SPHK2: variants seen among roughly 807,000 people sequenced by gnomAD.
The protein encoded by SPHK2 is sphingosine kinase 2.
In SPHK2, 18 loss-of-function variants were observed where a neutral mutation model predicts 32.3. That is an observed-to-expected ratio of 0.56 (90% CI 0.39 to 0.83). SPHK2 has a LOEUF of 0.83. SPHK2 is among the 40% of genes least tolerant of loss of function. SPHK2 has a pLI of 0.00. For missense variants in SPHK2, 850 were observed against 908.7 expected, an observed-to-expected ratio of 0.94 and a Z score of 0.83; for synonymous variants, 462 against 417.6, an observed-to-expected ratio of 1.11 and a Z score of -1.30.
chr19:48,621,381 T>A (rs997293256), intron 2 of SPHK2, among the ~76,000 whole-genome samples: 2 of 152,068 alleles, frequency 1.3e-5, no homozygotes, highest in Non-Finnish European at 2.9e-5. Context: ...ACCCGGCCAA[T>A]TTTTTTATTT....
chr19:48,627,646 G>C (rs1168215832), intron 3 of SPHK2, 46 bp from the exon 4 acceptor site: 1 of 1,521,670 alleles, frequency 6.6e-7, no homozygotes, highest in East Asian at 2.3e-5. Context: ...TCCAAGGTGG[G>C]GGGCCTGGGT....
chr19:48,620,672 C>A, intron 2 of SPHK2, 119 bp downstream of exon 2: 1 of 881,204 alleles, frequency 1.1e-6, no homozygotes, highest in Non-Finnish European at 1.7e-6. Context: ...GCTTGTAATC[C>A]CAGCACTCTG....
At position 48,625,587 on chromosome 19, in the gene SPHK2, A is replaced by G. The variant is rs530282472; in HGVS notation, c.40-304A>G. ...CCTATGAAGGCAAGGATTTGGGGCT[A>G]TTTTGTCTCCTGCTGTGTTTGCTAG... On this transcript the variant is annotated intron_variant, in intron 2 of 6. Coordinates refer to ENST00000245222, the MANE Select transcript of SPHK2 (RefSeq NM_020126.5). The G allele has an allele frequency of 5.1e-4, 728 of 1,419,328 alleles. 2 individuals are homozygous for G. The African/African-American group carries it at 9.0e-3, about 18-fold the overall frequency. The allele number at this position is 1,419,328 out of a possible 1,614,324, so 87.9% of individuals were successfully genotyped here.
intron 3 of SPHK2, 58 bp downstream of exon 3, chr19:48,626,420 C>T (rs1334580786): frequency 4.7e-6 from 7 of 1,477,992 alleles, no homozygotes; most frequent in East Asian, 4.8e-5. Flanking sequence ...TGCAGAATTT[C>T]CTCCATAGGC....
intron 2 of SPHK2, among the ~76,000 whole-genome samples, chr19:48,622,482 A>G (rs1974445487): frequency 6.6e-6 from 1 of 152,052 alleles, no homozygotes; most frequent in Non-Finnish European, 1.5e-5. Context: ...TGTGAGCTGC[A>G]GGGTCCTTTC....
Position 48,625,993 on chromosome 19 carries a change from AC to A in SPHK2, c.146del (p.Pro49ArgfsTer159). The A allele has an allele frequency of 6.2e-7, 1 of 1,613,142 alleles. No individual in the cohort carries two copies. The highest frequency in any genetic ancestry group is 8.5e-7 in the Non-Finnish European group (1 of 1,179,870). On this transcript the variant is annotated frameshift_variant, in exon 3 of 7. Coordinates refer to ENST00000245222, the MANE Select transcript of SPHK2 (RefSeq NM_020126.5). LOFTEE classifies it high-confidence loss of function. Reference protein sequence around the residue: ...APPPPPLAASTPLLHGEFGSY... With the variant: ...APPPPPLAASXPLLHGEFGSY... The stretch of plus-strand genomic sequence containing the variant: ...GCCCCCACCGCCACTGGCTGCCAGC[AC>A]CCCGCTCCTCCATGGCGAGTTTGGC...
At chr19:48,624,031 T>TA (rs772252756) in intron 2 of SPHK2, 1 of 152,352 alleles carries the variant, frequency 6.6e-6, no homozygotes, top group Non-Finnish European at 1.5e-5. Context: ...TTACGCGTGT[T>TA]AGAGTCTCTG....
rs751465116 is a variant in SPHK2, at chr19:48,627,707, T to C, written c.527T>C (p.Leu176Pro). 5.6e-6 allele frequency: 9 copies of C among 1,601,994 alleles called. No individual in the cohort carries two copies. In the African/African-American group the frequency reaches 1.2e-4, roughly 21 times the overall value. Residue 176 changes from leucine (L) to proline (P), a missense_variant, in exon 4 of 7, where the codon CTG becomes CCG. By Grantham distance (98) the Leu-to-Pro change is moderately conservative. Coordinates refer to ENST00000245222, the MANE Select transcript of SPHK2 (RefSeq NM_020126.5). ...CTCTCCACAGAGATCACCCCTGACC[T>C]GCTACCTCGGCCGCCCCGGTTGCTT... ...LPGDGEITPD[L>P]LPRPPRLLLL...
Position 48,622,265 on chromosome 19 carries a change from AAAAAAAAT to A in SPHK2, c.39+1720_39+1727del, listed in dbSNP as rs1298332407. On this transcript the variant is annotated intron_variant, in intron 2 of 6. Coordinates refer to ENST00000245222, the MANE Select transcript of SPHK2 (RefSeq NM_020126.5). Reference sequence around the variant, plus strand: ...CAGAGCGAAACTCCGTCTCAAAAAAAAAAAAAATAAAAAAAAATAAAGGACTCAATCTC... The same window carrying A: ...CAGAGCGAAACTCCGTCTCAAAAAAAAAAAAAAAATAAAGGACTCAATCTC... Among the ~76,000 whole-genome samples the A allele has an allele frequency of 3.6e-3, 533 of 147,232 alleles. 5 individuals carry two copies. Among genetic ancestry groups the A allele is most frequent in the African/African-American group, 0.013 (500 of 38,362 alleles).
At position 48,629,423 on chromosome 19, in the gene SPHK2, G is replaced by T; in HGVS notation, c.1615G>T (p.Val539Leu). The change falls in exon 7 of 7, where the codon GTG (valine) becomes TTG (leucine). Residue 539 changes from valine (V) to leucine (L), a missense_variant. Transcript: ENST00000245222. ...CTGGGTGACGCTGGAGGGGGACTTT[G>T]TGCTCATGTTGGCCATCTCGCCCAG... Reference protein sequence around the residue: ...PDWVTLEGDFVLMLAISPSHL... With the variant: ...PDWVTLEGDFLLMLAISPSHL... The T allele has an allele frequency of 6.2e-7, 1 of 1,611,096 alleles. No individual in the cohort carries two copies.
rs764173338 is a variant in SPHK2, at chr19:48,629,262, C to G, written c.1454C>G (p.Pro485Arg). 2 of 1,613,708 alleles carry G rather than the reference C, an allele frequency of 1.2e-6. No individual in the cohort carries two copies. Among genetic ancestry groups the G allele is most frequent in the African/African-American group, 2.7e-5 (2 of 75,050 alleles). The change falls in exon 7 of 7, where the codon CCC (proline) becomes CGC (arginine). Residue 485 changes from proline to arginine, a missense_variant. Pro to Arg is a moderately radical substitution (Grantham distance 103). Around this residue, in one of 2 missense-constraint regions of SPHK2, gnomAD observed 306 missense variants for 268.6 expected, o/e 1.14. Transcript: ENST00000245222. The stretch of plus-strand genomic sequence containing the variant: ...TCTCCCAAGGCAGCTCTACACTCAC[C>G]CGTCTCCGAAGGGGCCCCCGTAATT... ...PGSPKAALHSPVSEGAPVIPP... is the reference protein window; with the variant it reads ...PGSPKAALHSRVSEGAPVIPP...
At position 48,629,292 on chromosome 19, in the gene SPHK2, C is replaced by A. The variant is rs369764720; in HGVS notation, c.1484C>A (p.Pro495Gln). The change falls in exon 7 of 7, where the codon CCA becomes CAA. Residue 495 changes from proline to glutamine, a missense_variant. Pro to Gln is a moderately conservative substitution (Grantham distance 76, BLOSUM62 -1). Around this residue, in one of 2 missense-constraint regions of SPHK2, gnomAD observed 306 missense variants for 268.6 expected, o/e 1.14. Transcript: ENST00000245222. ...PVSEGAPVIP[P>Q]SSGLPLPTPD... ...TCCGAAGGGGCCCCCGTAATTCCCC[C>A]ATCCTCTGGGCTCCCACTTCCCACC... 4.3e-6 allele frequency: 7 copies of A among 1,613,630 alleles called. No individual in the cohort carries two copies. The South Asian group carries it at 7.7e-5, about 18-fold the overall frequency.
chr19:48,628,863 C>T lies in SPHK2; in HGVS notation c.1055C>T (p.Ala352Val), dbSNP rs1293019420. 1 of 1,613,820 alleles carries T rather than the reference C, an allele frequency of 6.2e-7. No individual in the cohort carries two copies. The highest frequency in any genetic ancestry group is 8.5e-7 in the Non-Finnish European group (1 of 1,180,028). The change falls in exon 7 of 7, where the codon GCC (alanine) becomes GTC (valine). Residue 352 changes from alanine (A) to valine (V), a missense_variant. Physicochemically the swap from Ala to Val is moderately conservative, Grantham distance 64 (BLOSUM62 0). This residue lies in a region of SPHK2 where 544 missense variants were observed against 640.0 expected (regional missense o/e 0.85). Coordinates refer to ENST00000245222, the MANE Select transcript of SPHK2 (RefSeq NM_020126.5). This position sits in a 1 kb window ranked among gnomAD's most constrained non-coding sequence, Gnocchi z 5.2. ...DVDIQSERFRALGSARFTLGT... is the reference protein window; with the variant it reads ...DVDIQSERFRVLGSARFTLGT... Reference sequence around the variant, plus strand: ...GATATCCAGAGCGAGCGCTTCAGGGCCTTGGGCAGTGCCCGCTTCACACTG... The same window carrying T: ...GATATCCAGAGCGAGCGCTTCAGGGTCTTGGGCAGTGCCCGCTTCACACTG...
Position 48,626,352 on chromosome 19 carries a change from C to A in SPHK2, c.501C>A (p.Pro167=). Residue 167 remains proline (P), a synonymous_variant, in exon 3 of 7, where the codon CCC becomes CCA. Transcript: ENST00000245222. ...GTCTGCTCCGAGGACTGCCACTGCC[C>A]GGGGATGGGGGTGAGGTGCTGGGCA... ...LTCLLRGLPL[P]GDGEITPDLL... 6.3e-7 allele frequency: 1 copy of A among 1,584,374 alleles called. No individual in the cohort carries two copies. Among genetic ancestry groups the A allele is most frequent in the Non-Finnish European group, 8.5e-7 (1 of 1,173,840 alleles).
chr19:48,629,403 TG>T lies in SPHK2; in HGVS notation c.1596del (p.Thr533ArgfsTer17). 6.2e-7 allele frequency: 1 copy of T among 1,611,712 alleles called. No individual in the cohort carries two copies. Among genetic ancestry groups the T allele is most frequent in the Non-Finnish European group, 8.5e-7 (1 of 1,179,516 alleles). On this transcript the variant is annotated frameshift_variant, in exon 7 of 7. Transcript: ENST00000245222. LOFTEE classifies it low-confidence loss of function (END_TRUNC). ...GGCACCCCGCTGCCCCCAGACTGGG[TG>T]ACGCTGGAGGGGGACTTTGTGCTCA... ...PLGTPLPPDW[V>X]TLEGDFVLML...
chr19:48,625,199 C>A, intron 2 of SPHK2: 1 of 1,032,304 alleles, frequency 9.7e-7, no homozygotes, highest in Non-Finnish European at 1.2e-6. Context: ...CTGCCTCGTA[C>A]CCCTCCTATT....
chr19:48,630,241 A>G lies in SPHK2; in HGVS notation c.*468A>G. On this transcript the variant is annotated 3_prime_UTR_variant, in exon 7 of 7. Transcript: ENST00000245222. The surrounding 1 kb of genome is among the most constrained non-coding windows in gnomAD (Gnocchi z 4.9). The stretch of plus-strand genomic sequence containing the variant: ...GCTGGCCAATCAGCCCAGGAGGGGC[A>G]GGTTCCCCGGGGCCGGCGCTAGGAT... 2 of 1,275,046 alleles carry G rather than the reference A, an allele frequency of 1.6e-6. No homozygotes were observed. The highest frequency in any genetic ancestry group is 2.0e-6 in the Non-Finnish European group (2 of 1,010,834). 79.0% of individuals were successfully genotyped at this position (1,275,046 alleles called of 1,614,324 possible).
rs778526255 is a variant in SPHK2, at chr19:48,628,124, G to GCC, written c.757-37_757-36dup. On this transcript the variant is annotated intron_variant, in intron 5 of 6. Transcript: ENST00000245222. The surrounding 1 kb of genome is among the most constrained non-coding windows in gnomAD (Gnocchi z 5.2). ...TGGGCCCTGGGGGACTATAGAGACTGCCACCAGGACCCAGGCTTCTGGTCT... is the reference window on the plus strand; with the variant it reads ...TGGGCCCTGGGGGACTATAGAGACTGCCCCACCAGGACCCAGGCTTCTGGTCT... The GCC allele has an allele frequency of 6.3e-7, 1 of 1,596,690 alleles. No individual in the cohort carries two copies. The highest frequency in any genetic ancestry group is 1.1e-5 in the South Asian group (1 of 89,648).
rs1273182126 is a variant in SPHK2, at chr19:48,628,674, T to A, written c.873-7T>A. 1 of 1,608,478 alleles carries A rather than the reference T, an allele frequency of 6.2e-7. No homozygotes were observed. The highest frequency in any genetic ancestry group is 8.5e-7 in the Non-Finnish European group (1 of 1,178,638). ...TTCTGTGTGTCCGTCCATCTCCGGC[T>A]GTGAAGATTTGAGCCAGCCCTGGGC... On this transcript the variant is annotated splice_polypyrimidine_tract_variant and splice_region_variant and intron_variant, in intron 6 of 6. Transcript: ENST00000245222. This position sits in a 1 kb window ranked among gnomAD's most constrained non-coding sequence, Gnocchi z 5.2.
Sources: allele counts gnomAD v4.1 joint callset (sites outside exome capture counted in the v4.1 genomes callset), GRCh38; gene constraint gnomAD v4.1.1; regional missense constraint gnomAD v4.1.1; non-coding constraint Gnocchi (gnomAD v3.1); transcripts MANE v1.5; gene names NCBI Gene and HGNC (gene_info 2026-07-23, HGNC 2026-07-21).